DIRAS3: variants seen among roughly 807,000 people sequenced by gnomAD.
The protein encoded by DIRAS3 is GTP-binding protein Di-Ras3.
For missense variants in DIRAS3, 248 were observed against 300.6 expected (o/e 0.83, Z 1.29); for synonymous variants, 133 against 131.4 (o/e 1.01, Z -0.08).
rs766327434 is a variant in DIRAS3 at position 68,046,725 on chromosome 1, C to G, written c.573G>C (p.Leu191=). The change falls in exon 2 of 2, where the codon CTG becomes CTC. Residue 191 remains leucine (L), a synonymous_variant. Transcript: ENST00000646789. Reference sequence around the variant, plus strand: ...TCTTGTAATTCAGCAGCATGTGGAACAGCTCCTGCACATTCACATCGGTCT... The same window carrying G: ...TCTTGTAATTCAGCAGCATGTGGAAGAGCTCCTGCACATTCACATCGGTCT... ...SAKTDVNVQE[L]FHMLLNYKKK... The G allele has an allele frequency of 5.6e-6, 9 of 1,614,066 alleles. No homozygotes were observed. In the African/African-American group the frequency reaches 1.1e-4, roughly 19 times the overall value.
Position 68,046,420 on chromosome 1 carries a change from T to G in DIRAS3, c.*188A>C. 1.8e-6 allele frequency: 1 copy of G among 564,162 alleles called. No individual in the cohort carries two copies. The highest frequency in any genetic ancestry group is 3.0e-6 in the Non-Finnish European group (1 of 327,902). 34.9% of individuals were successfully genotyped at this position (564,162 alleles called of 1,614,324 possible). A position where few individuals can be genotyped will look rare whatever the true frequency, so the allele number is the denominator to read the frequency against. On this transcript the variant is annotated 3_prime_UTR_variant, in exon 2 of 2. Transcript: ENST00000646789. ...TTCTCCTCTTCAAATGCCAATGTTT[T>G]AACAATTTGAATTCTCTGGCCTGGG...
At position 68,047,128 on chromosome 1, in the gene DIRAS3, C is replaced by G; in HGVS notation, c.170G>C (p.Trp57Ser). 1 of 1,614,196 alleles carries G rather than the reference C, an allele frequency of 6.2e-7. No individual in the cohort carries two copies. The highest frequency in any genetic ancestry group is 8.5e-7 in the Non-Finnish European group (1 of 1,180,034). The change falls in exon 2 of 2, where the codon TGG becomes TCG. Residue 57 changes from tryptophan to serine, a missense_variant. Trp to Ser is a radical substitution (Grantham distance 177). Transcript: ENST00000646789. Reference protein sequence around the residue: ...GVGKSTLLHKWASGNFRHEYL... With the variant: ...GVGKSTLLHKSASGNFRHEYL... ...CTCATGACGGAAGTTGCCGCTCGCC[C>G]ACTTGTGCAGCAGCGTACTTTTCCC...
In DIRAS3 at chr1:68,050,403, G is replaced by T. The variant is rs143700359; in HGVS notation, c.-66+145C>A. On this transcript the variant is annotated intron_variant, in intron 1 of 1. Transcript: ENST00000646789. This position sits in a 1 kb window ranked among gnomAD's most constrained non-coding sequence, Gnocchi z 4.5. Reference sequence around the variant, plus strand: ...CCAGGAGCCCGCAGGGCTGCGGGTGGTTCTTGCGTAATCGCGCCAAGAAAG... The same window carrying T: ...CCAGGAGCCCGCAGGGCTGCGGGTGTTTCTTGCGTAATCGCGCCAAGAAAG... 133 of 152,312 alleles carry T rather than the reference G, an allele frequency of 8.7e-4. No individual in the cohort carries two copies. The highest frequency in any genetic ancestry group is 3.0e-3 in the African/African-American group (124 of 41,572). 9.4% of individuals were successfully genotyped at this position (152,312 alleles called of 1,614,324 possible). A position where few individuals can be genotyped will look rare whatever the true frequency, so the allele number is the denominator to read the frequency against.
Position 68,047,064 on chromosome 1 carries a change from C to T in DIRAS3, c.234G>A (p.Leu78=), listed in dbSNP as rs746816185. The T allele has an allele frequency of 1.2e-6, 2 of 1,614,146 alleles. No individual in the cohort carries two copies. Among genetic ancestry groups the T allele is most frequent in the South Asian group, 2.2e-5 (2 of 91,078 alleles). ...PTIENTYCQL[L]GCSHGVLSLH... ...GGGAAAGCACACCGTGGCTGCAGCC[C>T]AGCAACTGGCAGTAGGTATTTTCAA... is the stretch of plus-strand genomic sequence containing the variant. Residue 78 remains leucine (L), a synonymous_variant, in exon 2 of 2, where the codon CTG becomes CTA. Transcript: ENST00000646789.
intron 1 of DIRAS3, among the ~76,000 whole-genome samples, chr1:68,049,960 A>ACCGCCCCCCCCC: frequency 9.4e-6 from 1 of 106,030 alleles, no homozygotes; most frequent in African/African-American, 4.1e-5. Context: ...CAGGCAGTGG[A>ACCGCCCCCCCCC]CCCCCCCCCC....
At chr1:68,048,049 A>T (rs2986218) in intron 1 of DIRAS3, among the ~76,000 whole-genome samples, 165 of 7,160 alleles carry the variant, frequency 0.023, 8 homozygotes, top group African/African-American at 0.045. Context: ...AAAAAAAAAA[A>T]ATATATATAT....
rs932498165 is a variant in DIRAS3, at chr1:68,046,499, C to T, written c.*109G>A. On this transcript the variant is annotated 3_prime_UTR_variant, in exon 2 of 2. Transcript: ENST00000646789. ...ATACGTATTGACAACATGGATGTTA[C>T]AGTCCAAACAACAGCACAAAATCAA... is the stretch of plus-strand genomic sequence containing the variant. 9.8e-6 allele frequency: 10 copies of T among 1,021,912 alleles called. No homozygotes were observed. In the African/African-American group the frequency reaches 1.4e-4, roughly 15 times the overall value. The allele number at this position is 1,021,912 out of a possible 1,614,324, so 63.3% of individuals were successfully genotyped here.
chr1:68,046,597 A>C lies in DIRAS3; in HGVS notation c.*11T>G. ...ACAGGATAGGAAGAGCTGGCTCTTA[A>C]GGCCCAGGGCTCACATGATTATGCA... is the stretch of plus-strand genomic sequence containing the variant. On this transcript the variant is annotated 3_prime_UTR_variant, in exon 2 of 2. Transcript: ENST00000646789. The C allele has an allele frequency of 6.2e-7, 1 of 1,611,058 alleles. No individual in the cohort carries two copies. The highest frequency in any genetic ancestry group is 1.1e-5 in the South Asian group (1 of 90,736).
intron 1 of DIRAS3, among the ~76,000 whole-genome samples, chr1:68,048,745 G>T (rs146176619): frequency 0.018 from 1,980 of 109,316 alleles, 24 homozygotes; most frequent in African/African-American, 0.068. Flanking sequence ...TTTTTTTTTT[G>T]TTTTTTTTTT....
rs1645682068 is a variant in DIRAS3, at chr1:68,047,178, G to A, written c.120C>T (p.Val40=). 6.2e-7 allele frequency: 1 copy of A among 1,614,186 alleles called. No individual in the cohort carries two copies. Among genetic ancestry groups the A allele is most frequent in the South Asian group, 1.1e-5 (1 of 91,082 alleles). Residue 40 remains valine (V), a synonymous_variant, in exon 2 of 2, where the codon GTC becomes GTT. Coordinates refer to ENST00000646789, the MANE Select transcript of DIRAS3 (RefSeq NM_004675.5). ...CCACACCAGCGGTGCCGACTACCAC[G>A]ACGCGGTAATCTCTGATCTTCCTGT... ...KPHRKIRDYR[V]VVVGTAGVGK... is the part of the protein sequence containing the mutation.
At position 68,046,882 on chromosome 1, in the gene DIRAS3, C is replaced by T. The variant is rs753465480; in HGVS notation, c.416G>A (p.Gly139Asp). ...GATGGGGAACTTATGCAGGTTGTTA[C>T]CTTTGATCTTGCAGATCAGCTCATA... ...AFYELICKIK[G>D]NNLHKFPIVL... The change falls in exon 2 of 2, where the codon GGT becomes GAT. Residue 139 changes from glycine (G) to aspartate (D), a missense_variant. Gly to Asp is a moderately conservative substitution (Grantham distance 94). Transcript: ENST00000646789. The T allele has an allele frequency of 5.6e-6, 9 of 1,614,186 alleles. No individual in the cohort carries two copies. Among genetic ancestry groups the T allele is most frequent in the African/African-American group, 1.3e-5 (1 of 75,038 alleles).
intron 1 of DIRAS3, chr1:68,049,761 G>T (rs1421440834): frequency 6.6e-6 from 1 of 152,240 alleles, no homozygotes. Flanking sequence ...GGGCGCATTG[G>T]CTCATGCCTG....
intron 1 of DIRAS3, chr1:68,049,360 T>C (rs1570741241): frequency 6.6e-6 from 1 of 152,412 alleles, no homozygotes; most frequent in East Asian, 1.9e-4. Flanking sequence ...CATCTAATAT[T>C]AAGTAATGAC....
intron 1 of DIRAS3, among the ~76,000 whole-genome samples, chr1:68,047,966 G>C (rs1645689550): frequency 7.7e-6 from 1 of 129,870 alleles, no homozygotes; most frequent in Non-Finnish European, 1.6e-5. Flanking sequence ...GTGCCACCAA[G>C]AGCTGAGGGA....
At chr1:68,048,803 G>A (rs760647188) in intron 1 of DIRAS3, among the ~76,000 whole-genome samples, 1 of 148,990 alleles carries the variant, frequency 6.7e-6, no homozygotes, top group African/African-American at 2.5e-5. Context: ...GCAGTCATGC[G>A]ATCATGACTC....
Position 68,050,264 on chromosome 1 carries a change from A to C in DIRAS3, c.-66+284T>G. 6.6e-6 allele frequency among the ~76,000 whole-genome samples: 1 copy of C among 152,224 alleles called. No individual in the cohort carries two copies. Among genetic ancestry groups the C allele is most frequent in the East Asian group, 1.9e-4 (1 of 5,188 alleles). On this transcript the variant is annotated intron_variant, in intron 1 of 1. Transcript: ENST00000646789. The surrounding 1 kb of genome is among the most constrained non-coding windows in gnomAD (Gnocchi z 4.5). The stretch of plus-strand genomic sequence containing the variant: ...GAACACTAGCTACCTACGCAGCTGT[A>C]ATAGTGGACACTGTGTCAACCTTTA...
At chr1:68,048,084 G>A (rs1469721706) in intron 1 of DIRAS3, among the ~76,000 whole-genome samples, 183 of 32,214 alleles carry the variant, frequency 5.7e-3, no homozygotes, top group East Asian at 6.8e-3. Flanking sequence ...ATATATATAT[G>A]AACCTTTCTC....
chr1:68,048,914 A>AT (rs1645706181), intron 1 of DIRAS3, among the ~76,000 whole-genome samples: 1 of 151,436 alleles, frequency 6.6e-6, no homozygotes, highest in African/African-American at 2.4e-5. Flanking sequence ...TAATTTTCTT[A>AT]TTTTTTGTAG....
In DIRAS3 at chr1:68,046,880, T is replaced by C; in HGVS notation, c.418A>G (p.Asn140Asp). The C allele has an allele frequency of 6.2e-7, 1 of 1,614,218 alleles. No homozygotes were observed. Among genetic ancestry groups the C allele is most frequent in the Non-Finnish European group, 8.5e-7 (1 of 1,180,040 alleles). ...FYELICKIKG[N>D]NLHKFPIVLV... Reference sequence around the variant, plus strand: ...ACGATGGGGAACTTATGCAGGTTGTTACCTTTGATCTTGCAGATCAGCTCA... The same window carrying C: ...ACGATGGGGAACTTATGCAGGTTGTCACCTTTGATCTTGCAGATCAGCTCA... Residue 140 changes from asparagine (N) to aspartate (D), a missense_variant, in exon 2 of 2, where the codon AAC becomes GAC. By Grantham distance (23) the Asn-to-Asp change is conservative (BLOSUM62 1). Transcript: ENST00000646789.
Sources: gnomAD v4.1 joint callset for allele counts (sites outside exome capture counted in the v4.1 genomes callset) on GRCh38, gnomAD v4.1.1 for gene constraint, Gnocchi (gnomAD v3.1) non-coding constraint, MANE v1.5 for transcripts, NCBI Gene and HGNC (gene_info 2026-07-23, HGNC 2026-07-21) for gene names.